PDE10A: variants seen among roughly 807,000 people sequenced by gnomAD.
PDE10A encodes cAMP and cAMP-inhibited cGMP 3',5'-cyclic phosphodiesterase 10A.
A neutral mutation model predicts 97.7 loss-of-function variants in PDE10A; 39 were observed. The ratio of observed to expected loss-of-function variants is 0.40; its 90% CI spans 0.31 to 0.52. PDE10A has a LOEUF of 0.52. PDE10A is among the 20% of genes least tolerant of loss of function. The probability of loss-of-function intolerance (pLI) is 0.56; values close to 1 mark genes in which losing one functional copy is unlikely to be tolerated. For synonymous variants in PDE10A, 371 were observed against 376.8 expected (o/e 0.98, Z 0.18); for missense variants, 731 against 1,047.8 (o/e 0.70, Z 4.17).
At chr6:165,485,360 C>T (rs1481869785) in intron 2 of PDE10A, among the ~76,000 whole-genome samples, 1 of 150,658 alleles carries the variant, frequency 6.6e-6, no homozygotes, top group Non-Finnish European at 1.5e-5. Flanking sequence ...CCCAGCTACT[C>T]TGGAGGCTGA....
chr6:165,649,968 A>C (rs560431824), intron 1 of PDE10A, among the ~76,000 whole-genome samples: 1 of 152,344 alleles, frequency 6.6e-6, no homozygotes, highest in African/African-American at 2.4e-5. Context: ...TTCCACGTTC[A>C]AATCTGTGCA....
chr6:165,898,996 C>T (rs915860655), intron 1 of PDE10A, among the ~76,000 whole-genome samples: 5 of 152,176 alleles, frequency 3.3e-5, no homozygotes, highest in East Asian at 1.9e-4. Context: ...CAAGGCCTCC[C>T]GGCAGCTCCT....
chr6:165,718,625 T>A lies in PDE10A; in HGVS notation c.-614-175057A>T, dbSNP rs111745066. Among the ~76,000 whole-genome samples, 5 of 152,022 alleles carry A rather than the reference T, an allele frequency of 3.3e-5. No individual in the cohort carries two copies. In the South Asian group the frequency reaches 1.0e-3, roughly 32 times the overall value. Reference sequence around the variant, plus strand: ...TGTTCCTAGAATGCAGGCTTGTGTGTATATACCCGAACCCCCACCTTTTCC... The same window carrying A: ...TGTTCCTAGAATGCAGGCTTGTGTGAATATACCCGAACCCCCACCTTTTCC... On this transcript the variant is annotated intron_variant, in intron 1 of 19. Coordinates refer to the PDE10A transcript ENST00000366882.
chr6:165,953,926 A>C (rs2128495887), intron 1 of PDE10A, among the ~76,000 whole-genome samples: 1 of 152,146 alleles, frequency 6.6e-6, no homozygotes, highest in Admixed American at 6.5e-5. Flanking sequence ...TCATCTCTCC[A>C]TCCTCCCGAG....
chr6:165,889,219 T>C (rs1781711243), intron 1 of PDE10A, among the ~76,000 whole-genome samples: 1 of 152,212 alleles, frequency 6.6e-6, no homozygotes, highest in African/African-American at 2.4e-5. Context: ...GCAGGCTCTA[T>C]GGTGTAAATC....
chr6:165,898,682 C>T (rs777599564), intron 1 of PDE10A, among the ~76,000 whole-genome samples: 1 of 152,088 alleles, frequency 6.6e-6, no homozygotes, highest in Admixed American at 6.5e-5. Flanking sequence ...CTCCCAACCT[C>T]CCCACCCCTA....
intron 1 of PDE10A, among the ~76,000 whole-genome samples, chr6:165,804,023 G>A (rs1330216158): frequency 6.6e-6 from 1 of 152,174 alleles, no homozygotes; most frequent in Non-Finnish European, 1.5e-5. Context: ...GCGAGCCACC[G>A]TTTTTGACAG....
intron 1 of PDE10A, among the ~76,000 whole-genome samples, chr6:165,704,014 G>A (rs889747622): frequency 2.0e-5 from 3 of 152,140 alleles, no homozygotes; most frequent in Non-Finnish European, 1.5e-5. Context: ...CAAGGCTGCC[G>A]TACACACGCC....
intron 1 of PDE10A, among the ~76,000 whole-genome samples, chr6:165,808,199 G>A (rs1034288971): frequency 6.6e-5 from 10 of 152,148 alleles, no homozygotes; most frequent in African/African-American, 2.4e-4. Context: ...AGATCACCCT[G>A]GACAATTTGC....
chr6:165,413,763 T>C, intron 12 of PDE10A, 76 bp from the exon 13 acceptor site: 1 of 1,210,282 alleles, frequency 8.3e-7, no homozygotes, highest in South Asian at 1.4e-5. Flanking sequence ...CAGTCATAAA[T>C]CTCCCCTCAA....
chr6:165,511,673 T>C (rs1239969353), intron 2 of PDE10A, among the ~76,000 whole-genome samples: 3 of 151,996 alleles, frequency 2.0e-5, no homozygotes, highest in African/African-American at 4.8e-5. Flanking sequence ...TCTAGTAATA[T>C]TAGCTTTATG....
chr6:165,704,249 G>C (rs748414259), intron 1 of PDE10A, among the ~76,000 whole-genome samples: 6 of 152,162 alleles, frequency 3.9e-5, no homozygotes, highest in Non-Finnish European at 7.3e-5. Context: ...CAGCTCTGGA[G>C]GGATCTGCTG....
intron 1 of PDE10A, among the ~76,000 whole-genome samples, chr6:165,644,196 C>G (rs1203493835): frequency 2.0e-5 from 3 of 151,764 alleles, no homozygotes; most frequent in African/African-American, 4.8e-5. Context: ...GCTGGGACTA[C>G]AGGCGCCCGC....
At chr6:165,763,432 CG>C (rs1793298957) in intron 1 of PDE10A, among the ~76,000 whole-genome samples, 1 of 151,532 alleles carries the variant, frequency 6.6e-6, no homozygotes, top group Non-Finnish European at 1.5e-5. Flanking sequence ...AAGCGATTCT[CG>C]TGCCTCAGCC....
chr6:165,619,489 CTAGTGTAGTCTAGTG>C (rs1583657911), intron 1 of PDE10A, among the ~76,000 whole-genome samples: 70 of 28,118 alleles, frequency 2.5e-3, no homozygotes, highest in African/African-American at 0.012. Context: ...CTAGTGTAGT[CTAGTGTAGTCTAGTG>C]TAGTGTAGTC....
At chr6:165,432,162 C>T (rs1322738267) in intron 7 of PDE10A, among the ~76,000 whole-genome samples, 2 of 151,832 alleles carry the variant, frequency 1.3e-5, no homozygotes, top group African/African-American at 4.8e-5. Flanking sequence ...GGGAGAAGGA[C>T]AAGAAATGAA....
At chr6:165,672,395 T>G (rs1373752361) in intron 1 of PDE10A, among the ~76,000 whole-genome samples, 1 of 152,230 alleles carries the variant, frequency 6.6e-6, no homozygotes, top group Non-Finnish European at 1.5e-5. Context: ...AACATTACAG[T>G]TGGGCAAAAC....
At chr6:165,898,936 T>C (rs1782030034) in intron 1 of PDE10A, among the ~76,000 whole-genome samples, 2 of 152,196 alleles carry the variant, frequency 1.3e-5, no homozygotes, top group Non-Finnish European at 2.9e-5. Context: ...CCCATTTCTT[T>C]GGGTCTCTTC....
intron 1 of PDE10A, among the ~76,000 whole-genome samples, chr6:165,879,735 G>T (rs1163951486): frequency 6.6e-6 from 1 of 152,198 alleles, no homozygotes; most frequent in East Asian, 1.9e-4. Flanking sequence ...TAATGTAAAT[G>T]CTGTGAAAGC....
Sources: allele counts gnomAD v4.1 joint callset (sites outside exome capture counted in the v4.1 genomes callset), GRCh38; gene constraint gnomAD v4.1.1; transcripts MANE v1.5; gene names NCBI Gene and HGNC (gene_info 2026-07-23, HGNC 2026-07-21).